Variants in SLC30A9 observed in about 807,000 individuals in gnomAD.
SLC30A9 encodes the protein solute carrier family 30 member 9.
A neutral mutation model predicts 87.5 loss-of-function variants in SLC30A9; 58 were observed. The ratio of observed to expected loss-of-function variants is 0.66; its 90% CI spans 0.54 to 0.82. SLC30A9 has a LOEUF of 0.82. SLC30A9 is among the 40% of genes least tolerant of loss of function. The probability of loss-of-function intolerance (pLI) is 0.00; values close to 1 mark genes in which losing one functional copy is unlikely to be tolerated. For synonymous variants in SLC30A9, 234 were observed against 233.0 expected (o/e 1.00, Z -0.04); for missense variants, 557 against 679.1 (o/e 0.82, Z 2.00).
chr4:42,081,948 T>G (rs1718753590), intron 17 of SLC30A9, among the ~76,000 whole-genome samples: 2 of 152,198 alleles, frequency 1.3e-5, no homozygotes. Context: ...GCGCGTGCGG[T>G]TGCTCATGCC....
At chr4:42,026,498 C>G (rs1455005600) in intron 6 of SLC30A9, among the ~76,000 whole-genome samples, 1 of 152,122 alleles carries the variant, frequency 6.6e-6, no homozygotes, top group Non-Finnish European at 1.5e-5. Flanking sequence ...TGTTAAACGA[C>G]TAACAGATTT....
chr4:42,052,600 G>A (rs534141736), intron 9 of SLC30A9, among the ~76,000 whole-genome samples: 3 of 152,346 alleles, frequency 2.0e-5, no homozygotes, highest in Non-Finnish European at 2.9e-5. Context: ...TACATGGCCC[G>A]TGCCTTTCGG....
At chr4:42,056,771 T>C (rs1485640762) in intron 9 of SLC30A9, among the ~76,000 whole-genome samples, 2 of 152,192 alleles carry the variant, frequency 1.3e-5, no homozygotes, top group Non-Finnish European at 2.9e-5. Context: ...CCTATGAACC[T>C]GTAAAATCAA....
intron 12 of SLC30A9, 109 bp downstream of exon 12, chr4:42,065,458 G>A (rs1718043967): frequency 1.4e-6 from 1 of 698,328 alleles, no homozygotes; most frequent in African/African-American, 1.8e-5. Flanking sequence ...GCAAGTGTGG[G>A]AATAGGCATC....
chr4:41,997,991 G>A (rs1269811858), intron 1 of SLC30A9, among the ~76,000 whole-genome samples: 1 of 152,190 alleles, frequency 6.6e-6, no homozygotes, highest in Non-Finnish European at 1.5e-5. Flanking sequence ...ATTTTTAGTT[G>A]TTGTTGCGGA....
intron 11 of SLC30A9, 103 bp downstream of exon 11, chr4:42,063,224 C>A: frequency 1.0e-6 from 1 of 996,684 alleles, no homozygotes; most frequent in South Asian, 1.7e-5. Flanking sequence ...ATGACATACA[C>A]CTTCTTGACT....
rs768304983 is a variant in SLC30A9, at chr4:41,990,708, C to T, written c.57C>T (p.Cys19=). Residue 19 remains cysteine (C), a synonymous_variant, in exon 1 of 18, where the codon TGC becomes TGT. Transcript: ENST00000264451. ...AAHRCSWSSL[C]RLRLRCRAAA... ...ACAGATGTAGCTGGTCCTCCCTGTG[C>T]CGGCTCCGTCTGCGATGCAGGGCGG... 5.6e-6 allele frequency: 9 copies of T among 1,612,072 alleles called. No homozygotes were observed. The African/African-American group carries it at 1.1e-4, about 19-fold the overall frequency.
At position 42,067,191 on chromosome 4, in the gene SLC30A9, A is replaced by T; in HGVS notation, c.1251A>T (p.Thr417=). Residue 417 remains threonine (T), a splice_region_variant and synonymous_variant, in exon 14 of 18, where the codon ACA becomes ACT. Transcript: ENST00000264451. ...CTTGCATGGGCCTTACTTCTATAAC[A>T]GGTAAATATTCCTTAAATTACAGGT... ...AATCMGLTSI[T]GNPLYDSLGS... is the part of the protein sequence containing the mutation. 1 of 1,540,420 alleles carries T rather than the reference A, an allele frequency of 6.5e-7. No individual in the cohort carries two copies. Among genetic ancestry groups the T allele is most frequent in the Non-Finnish European group, 9.0e-7 (1 of 1,113,734 alleles).
chr4:42,038,755 G>A (rs1456472678), intron 7 of SLC30A9, among the ~76,000 whole-genome samples: 1 of 152,172 alleles, frequency 6.6e-6, no homozygotes, highest in East Asian at 1.9e-4. Context: ...CTGGAAGTAG[G>A]CAGGACATGA....
chr4:42,028,804 A>G (rs1484411102), intron 6 of SLC30A9, among the ~76,000 whole-genome samples: 2 of 152,228 alleles, frequency 1.3e-5, no homozygotes, highest in Non-Finnish European at 2.9e-5. Flanking sequence ...TCAGGATTGA[A>G]AAATTCAAAA....
rs548015670 is a variant in SLC30A9 at position 42,084,540 on chromosome 4, C to T, written c.1663-1542C>T. On this transcript the variant is annotated intron_variant, in intron 17 of 17. Transcript: ENST00000264451. ...AGGCTGGAGTGCAGTGGCACAATCC[C>T]GGCTCACTGCAACCTCTGCCTCCCG... Among the ~76,000 whole-genome samples the T allele has an allele frequency of 1.9e-4, 29 of 152,090 alleles. 1 individual carries two copies. In the South Asian group the frequency reaches 5.2e-3, roughly 27 times the overall value.
intron 15 of SLC30A9, 58 bp downstream of exon 15, chr4:42,070,749 A>C: frequency 7.8e-6 from 11 of 1,407,968 alleles, no homozygotes; most frequent in East Asian, 2.3e-5. Flanking sequence ...AAAAACAGAA[A>C]TGCCTGGTTT....
intron 2 of SLC30A9, among the ~76,000 whole-genome samples, chr4:42,004,430 A>T (rs1056858494): frequency 6.6e-6 from 1 of 151,974 alleles, no homozygotes; most frequent in African/African-American, 2.4e-5. Flanking sequence ...TTTCTGTATT[A>T]TCTCCTTCTG....
chr4:42,018,325 C>T, intron 3 of SLC30A9, 155 bp downstream of exon 3: 1 of 845,398 alleles, frequency 1.2e-6, no homozygotes, highest in Non-Finnish European at 1.8e-6. Flanking sequence ...GATTTATTCT[C>T]TTACATATAA....
intron 8 of SLC30A9, among the ~76,000 whole-genome samples, chr4:42,041,036 G>A (rs1309585342): frequency 6.6e-6 from 1 of 152,108 alleles, no homozygotes; most frequent in Admixed American, 6.6e-5. Context: ...AGCAAGTTAT[G>A]TCTTACATGG....
chr4:42,067,243 C>T, intron 14 of SLC30A9, 51 bp downstream of exon 14: 1 of 1,133,518 alleles, frequency 8.8e-7, no homozygotes, highest in Non-Finnish European at 1.3e-6. Context: ...TTAAATAATT[C>T]TCTAATATGT....
intron 1 of SLC30A9, among the ~76,000 whole-genome samples, chr4:41,994,827 C>CAAA (rs539190933): frequency 1.1e-5 from 1 of 94,778 alleles, no homozygotes; most frequent in Non-Finnish European, 2.0e-5. Flanking sequence ...GATGTGGTCT[C>CAAA]AAAAAAAAAA....
chr4:42,020,346 C>A, intron 3 of SLC30A9, 70 bp from the exon 4 acceptor site: 1 of 690,776 alleles, frequency 1.4e-6, no homozygotes, highest in Admixed American at 2.7e-5. Flanking sequence ...TCTTAAGTAT[C>A]AGCCTATATT....
At position 42,020,669 on chromosome 4, in the gene SLC30A9, T is replaced by A. The variant is rs1715911448; in HGVS notation, c.434+154T>A. ...GATATTTTTATTCAGTCAAAAATGTTAAAAATTGTTAGCAAACTAAACTGA... is the reference window on the plus strand; with the variant it reads ...GATATTTTTATTCAGTCAAAAATGTAAAAAATTGTTAGCAAACTAAACTGA... On this transcript the variant is annotated intron_variant, in intron 4 of 17. Coordinates refer to ENST00000264451, the MANE Select transcript of SLC30A9 (RefSeq NM_006345.4). 4 of 483,698 alleles carry A rather than the reference T, an allele frequency of 8.3e-6. No homozygotes were observed. The South Asian group carries it at 1.5e-4, about 18-fold the overall frequency. 30.0% of individuals were successfully genotyped at this position (483,698 alleles called of 1,614,324 possible). A position where few individuals can be genotyped will look rare whatever the true frequency, so the allele number is the denominator to read the frequency against.
Sources: gnomAD v4.1 joint callset for allele counts (sites outside exome capture counted in the v4.1 genomes callset) on GRCh38, gnomAD v4.1.1 for gene constraint, MANE v1.5 for transcripts, NCBI Gene and HGNC (gene_info 2026-07-23, HGNC 2026-07-21) for gene names.